Variants in SPECC1 observed in about 807,000 individuals in gnomAD.
SPECC1 encodes sperm antigen with calponin homology and coiled-coil domains 1, also known as cytospin-B.
Under a neutral mutation model 104.1 loss-of-function variants are expected in SPECC1, and 62 were observed. The observed-to-expected ratio is 0.60, with a 90% confidence interval of 0.49 to 0.74. The LOEUF is 0.74. SPECC1 is among the 30% of genes least tolerant of loss of function. SPECC1 has a pLI of 0.00. For missense variants in SPECC1, 1,306 were observed against 1,310.5 expected, an observed-to-expected ratio of 1.00 and a Z score of 0.05; for synonymous variants, 513 against 501.6, an observed-to-expected ratio of 1.02 and a Z score of -0.30.
At chr17:20,302,043 C>T (rs2041604179) in intron 13 of SPECC1, among the ~76,000 whole-genome samples, 1 of 152,184 alleles carries the variant, frequency 6.6e-6, no homozygotes, top group Non-Finnish European at 1.5e-5. Flanking sequence ...AAAGATAGGG[C>T]ATTCACTTGT....
intron 12 of SPECC1, among the ~76,000 whole-genome samples, chr17:20,294,465 G>A (rs867615617): frequency 8.5e-5 from 13 of 152,182 alleles, no homozygotes; most frequent in South Asian, 4.1e-4. Context: ...ACATTGTGGG[G>A]AGAAGAGTGT....
Position 20,009,877 on chromosome 17 carries a change from T to A in SPECC1, c.-22+453T>A, listed in dbSNP as rs986576441. On this transcript the variant is annotated intron_variant, in intron 1 of 14. Transcript: ENST00000395527. The surrounding 1 kb of genome is among the most constrained non-coding windows in gnomAD (Gnocchi z 5.2). ...CCTCCCGCACCCTCCCTGTTGTGCC[T>A]TGGGGGTGCTGCGTGGTGCAGAGGA... The A allele has an allele frequency of 2.6e-5, 4 of 152,202 alleles. No homozygotes were observed. The highest frequency in any genetic ancestry group is 9.6e-5 in the African/African-American group (4 of 41,452). 9.4% of individuals were successfully genotyped at this position (152,202 alleles called of 1,614,324 possible).
chr17:20,277,061 C>G (rs1192960709), intron 12 of SPECC1, among the ~76,000 whole-genome samples: 1 of 152,196 alleles, frequency 6.6e-6, no homozygotes, highest in Non-Finnish European at 1.5e-5. Context: ...GAGTCGGGCT[C>G]GGATAGCAGC....
chr17:20,280,491 A>G (rs551697028), intron 12 of SPECC1, among the ~76,000 whole-genome samples: 1 of 152,304 alleles, frequency 6.6e-6, no homozygotes, highest in Admixed American at 6.5e-5. Flanking sequence ...ACCTAGCTCT[A>G]TATATCTTGG....
chr17:20,210,584 T>C (rs2037075246), intron 4 of SPECC1, among the ~76,000 whole-genome samples: 3 of 152,206 alleles, frequency 2.0e-5, no homozygotes, highest in Admixed American at 2.0e-4. Context: ...TCTCTTGAAA[T>C]CACAGTTGCA....
intron 1 of SPECC1, among the ~76,000 whole-genome samples, chr17:20,088,074 G>C (rs1450616306): frequency 3.3e-5 from 5 of 151,968 alleles, no homozygotes; most frequent in Non-Finnish European, 5.9e-5. Flanking sequence ...CAGTGAGCAG[G>C]GGAGAGTGAT....
chr17:20,066,292 C>G (rs1404467115), intron 1 of SPECC1, among the ~76,000 whole-genome samples: 1 of 152,186 alleles, frequency 6.6e-6, no homozygotes, highest in Non-Finnish European at 1.5e-5. Context: ...TCATCTTTGC[C>G]TTTCTCCTAG....
chr17:20,112,668 C>G, intron 3 of SPECC1: 1 of 991,186 alleles, frequency 1.0e-6, no homozygotes, highest in Non-Finnish European at 1.6e-6. Context: ...ACACTCTGTT[C>G]TAATGTAGAA....
chr17:20,039,269 G>A (rs912122722), intron 1 of SPECC1, among the ~76,000 whole-genome samples: 1 of 152,290 alleles, frequency 6.6e-6, no homozygotes, highest in East Asian at 1.9e-4. Flanking sequence ...ATTAGATCCT[G>A]TTGTTCAGTG....
chr17:20,151,358 C>T (rs2031989908), intron 3 of SPECC1, among the ~76,000 whole-genome samples: 1 of 152,218 alleles, frequency 6.6e-6, no homozygotes, highest in Non-Finnish European at 1.5e-5. Context: ...TTCAACAGTA[C>T]TGCGTTGTCA....
chr17:20,242,921 A>T (rs2039268583), intron 7 of SPECC1, among the ~76,000 whole-genome samples: 2 of 152,204 alleles, frequency 1.3e-5, no homozygotes, highest in African/African-American at 4.8e-5. Context: ...TTATTATCCC[A>T]GTTTTATATG....
chr17:20,073,624 C>T (rs2046647223), intron 1 of SPECC1: 1 of 152,200 alleles, frequency 6.6e-6, no homozygotes, highest in Admixed American at 6.5e-5. Flanking sequence ...CAGGCCAGCA[C>T]CAAACCCAGA....
intron 1 of SPECC1, among the ~76,000 whole-genome samples, chr17:20,090,912 A>G (rs1471651635): frequency 6.6e-6 from 1 of 152,054 alleles, no homozygotes; most frequent in Non-Finnish European, 1.5e-5. Flanking sequence ...ATGGGTCTCC[A>G]TATTATACCC....
intron 3 of SPECC1, among the ~76,000 whole-genome samples, chr17:20,114,670 A>C (rs995117862): frequency 3.9e-5 from 6 of 152,144 alleles, no homozygotes; most frequent in African/African-American, 7.2e-5. Context: ...CAGACTCATC[A>C]ACATGAGGCA....
chr17:20,257,592 C>G lies in SPECC1; in HGVS notation c.2822C>G (p.Pro941Arg). Residue 941 changes from proline (P) to arginine (R), a missense_variant, in exon 11 of 15, where the codon CCA becomes CGA. This residue lies in a region of SPECC1 where 129 missense variants were observed against 170.6 expected (regional missense o/e 0.76). Coordinates refer to ENST00000395527, the MANE Select transcript of SPECC1 (RefSeq NM_001243439.2). ...LLSASTRAWK[P>R]QSKLSVERKD... ...AGTGCTTCCACCCGGGCATGGAAAC[C>G]ACAAAGCAAACTCAGGTATCGTGTT... 5 of 1,612,312 alleles carry G rather than the reference C, an allele frequency of 3.1e-6. No homozygotes were observed. Among genetic ancestry groups the G allele is most frequent in the Non-Finnish European group, 4.2e-6 (5 of 1,179,612 alleles).
intron 2 of SPECC1, among the ~76,000 whole-genome samples, chr17:20,097,340 G>A (rs539756457): frequency 2.1e-4 from 32 of 152,252 alleles, no homozygotes; most frequent in Admixed American, 1.1e-3. Flanking sequence ...GGCTCTCACC[G>A]TGCAAAGCCT....
At chr17:20,077,020 T>C (rs892780962) in intron 1 of SPECC1, among the ~76,000 whole-genome samples, 1 of 152,246 alleles carries the variant, frequency 6.6e-6, no homozygotes, top group Admixed American at 6.5e-5. Context: ...TGCTGGCTTT[T>C]TGGGGCCAAT....
chr17:20,139,188 A>G lies in SPECC1; in HGVS notation c.283+28626A>G, dbSNP rs577628871. 6.6e-5 allele frequency among the ~76,000 whole-genome samples: 10 copies of G among 152,312 alleles called. No homozygotes were observed. The East Asian group carries it at 1.7e-3, about 26-fold the overall frequency. On this transcript the variant is annotated intron_variant, in intron 3 of 14. Coordinates refer to ENST00000395527, the MANE Select transcript of SPECC1 (RefSeq NM_001243439.2). ...CCTGTTCTTGGGTACATTTTCTTGT[A>G]TCCTCCCATGTGGGAAGCTCTGTTC...
intron 1 of SPECC1, among the ~76,000 whole-genome samples, chr17:20,040,868 G>A (rs1409780416): frequency 6.6e-6 from 1 of 152,104 alleles, no homozygotes; most frequent in Non-Finnish European, 1.5e-5. Context: ...CCAAATTTGG[G>A]AAGTTTTCAG....
Sources: allele counts gnomAD v4.1 joint callset (sites outside exome capture counted in the v4.1 genomes callset), GRCh38; gene constraint gnomAD v4.1.1; regional missense constraint gnomAD v4.1.1; non-coding constraint Gnocchi (gnomAD v3.1); transcripts MANE v1.5; gene names NCBI Gene and HGNC (gene_info 2026-07-23, HGNC 2026-07-21).